Variants in SYNPR observed in about 807,000 individuals in gnomAD.
The protein encoded by SYNPR is synaptoporin.
In SYNPR, 23 loss-of-function variants were observed where a neutral mutation model predicts 32.9. The ratio of observed to expected loss-of-function variants is 0.70; its 90% CI spans 0.50 to 0.99. The LOEUF is 0.99. Among genes scored for constraint, SYNPR ranks in the 50% least tolerant of loss-of-function variants. The pLI, the probability that SYNPR is intolerant of heterozygous loss-of-function variation, is 0.00. For synonymous variants in SYNPR, 146 were observed against 135.9 expected (o/e 1.07, Z -0.52); for missense variants, 318 against 349.3 (o/e 0.91, Z 0.71).
intron 3 of SYNPR, among the ~76,000 whole-genome samples, chr3:63,519,234 T>C (rs1701860117): frequency 6.6e-6 from 1 of 152,046 alleles, no homozygotes; most frequent in African/African-American, 2.4e-5. Context: ...TTTCATAGAG[T>C]ACACAGGTTT....
At chr3:63,588,758 G>T (rs1322621849) in intron 4 of SYNPR, among the ~76,000 whole-genome samples, 2 of 152,006 alleles carry the variant, frequency 1.3e-5, no homozygotes, top group Non-Finnish European at 2.9e-5. Context: ...CTAGCAAATT[G>T]CTAGGGTACC....
intron 2 of SYNPR, chr3:63,351,681 C>A (rs889817397): frequency 6.6e-6 from 1 of 152,062 alleles, no homozygotes; most frequent in Non-Finnish European, 1.5e-5. Flanking sequence ...TGTAGGATAA[C>A]GTTCAAAGAT....
intron 3 of SYNPR, among the ~76,000 whole-genome samples, chr3:63,521,950 A>G (rs566163007): frequency 2.2e-4 from 33 of 152,276 alleles, no homozygotes; most frequent in Middle Eastern, 6.8e-3. Flanking sequence ...CAGAGGACAA[A>G]AGAGCAGGTT....
At chr3:63,393,097 T>C (rs2088160547) in intron 2 of SYNPR, among the ~76,000 whole-genome samples, 1 of 152,126 alleles carries the variant, frequency 6.6e-6, no homozygotes, top group East Asian at 1.9e-4. Context: ...CACTGAAAAA[T>C]ATATTTTCTT....
chr3:63,274,406 T>G (rs2086559021), upstream of SYNPR, among the ~76,000 whole-genome samples: 1 of 152,136 alleles, frequency 6.6e-6, no homozygotes, highest in Non-Finnish European at 1.5e-5. Flanking sequence ...ACAAGGTATA[T>G]TTTCCTATGA....
chr3:63,404,706 T>G (rs938224187), intron 2 of SYNPR, among the ~76,000 whole-genome samples: 1 of 152,190 alleles, frequency 6.6e-6, no homozygotes, highest in African/African-American at 2.4e-5. Context: ...GTAAAAATCA[T>G]AATTCATAGG....
At chr3:63,391,358 C>T (rs982886679) in intron 2 of SYNPR, among the ~76,000 whole-genome samples, 9 of 152,178 alleles carry the variant, frequency 5.9e-5, no homozygotes, top group Non-Finnish European at 1.3e-4. Flanking sequence ...GTATCTTAGT[C>T]AAGTAATGGG....
In SYNPR at chr3:63,432,305, C is replaced by T. The variant is rs75332216; in HGVS notation, c.85-48527C>T. ...TCCTTGTCTCTCAGGAGGACATTCT[C>T]GGGGAGAGGCAACCCCAAGACAGCA... On this transcript the variant is annotated intron_variant, in intron 2 of 5. Transcript: ENST00000478300. 5.5e-3 allele frequency among the ~76,000 whole-genome samples: 836 copies of T among 152,166 alleles called. 7 individuals are homozygous for T. The highest frequency in any genetic ancestry group is 0.019 in the African/African-American group (775 of 41,508).
At chr3:63,397,140 A>G (rs900263659) in intron 2 of SYNPR, among the ~76,000 whole-genome samples, 1 of 151,526 alleles carries the variant, frequency 6.6e-6, no homozygotes, top group Non-Finnish European at 1.5e-5. Flanking sequence ...CATTAAAAAT[A>G]TGGTGATGGG....
At chr3:63,513,071 C>T (rs1167062012) in intron 3 of SYNPR, among the ~76,000 whole-genome samples, 4 of 151,924 alleles carry the variant, frequency 2.6e-5, no homozygotes, top group East Asian at 1.9e-4. Flanking sequence ...TCCCCAGAAT[C>T]GTATAACTGG....
chr3:63,549,369 G>A (rs1189608462), intron 3 of SYNPR, among the ~76,000 whole-genome samples: 2 of 152,172 alleles, frequency 1.3e-5, no homozygotes, highest in Non-Finnish European at 2.9e-5. Context: ...TAAGGATGCT[G>A]TAATTTTTAA....
chr3:63,421,626 GAGACTTA>G (rs1699799721), intron 2 of SYNPR, among the ~76,000 whole-genome samples: 3 of 152,138 alleles, frequency 2.0e-5, no homozygotes, highest in African/African-American at 4.8e-5. Flanking sequence ...CTTGAGCTTA[GAGACTTA>G]AAACAACGCA....
intron 2 of SYNPR, among the ~76,000 whole-genome samples, chr3:63,321,155 G>A (rs571523237): frequency 2.0e-4 from 31 of 152,042 alleles, no homozygotes; most frequent in African/African-American, 5.5e-4. Context: ...AGGACCTTAC[G>A]TACTTTTAAA....
chr3:63,271,867 G>A (rs1008015683), intron 3 of SYNPR, among the ~76,000 whole-genome samples: 16 of 151,874 alleles, frequency 1.1e-4, no homozygotes, highest in East Asian at 3.9e-4. Context: ...ATGTGTATCC[G>A]TACATCCCCC....
At chr3:63,563,085 C>A (rs746216769) in intron 4 of SYNPR, among the ~76,000 whole-genome samples, 1 of 152,134 alleles carries the variant, frequency 6.6e-6, no homozygotes, top group Non-Finnish European at 1.5e-5. Context: ...CTTAGTCCCA[C>A]AAAGGAAAAT....
chr3:63,238,911 A>C (rs2086217682), intron 1 of SYNPR, among the ~76,000 whole-genome samples: 1 of 152,118 alleles, frequency 6.6e-6, no homozygotes, highest in Admixed American at 6.6e-5. Flanking sequence ...GGATTCTAAA[A>C]TTGTCATTGC....
intron 2 of SYNPR, among the ~76,000 whole-genome samples, chr3:63,306,229 G>A (rs760343134): frequency 1.3e-5 from 2 of 151,986 alleles, no homozygotes; most frequent in Non-Finnish European, 2.9e-5. Flanking sequence ...TTGATTCGAG[G>A]TGTCACTTCA....
chr3:63,291,202 G>A (rs2086735120), intron 2 of SYNPR, among the ~76,000 whole-genome samples: 1 of 148,182 alleles, frequency 6.7e-6, no homozygotes, highest in Non-Finnish European at 1.5e-5. Flanking sequence ...AGTTTCTCAG[G>A]GATTTTACCT....
intron 2 of SYNPR, among the ~76,000 whole-genome samples, chr3:63,453,672 C>T (rs772565413): frequency 1.3e-5 from 2 of 152,120 alleles, no homozygotes; most frequent in Admixed American, 6.6e-5. Context: ...TTTGGATCCA[C>T]CCAAACTTGA....
Sources: allele counts gnomAD v4.1 joint callset (sites outside exome capture counted in the v4.1 genomes callset), GRCh38; gene constraint gnomAD v4.1.1; transcripts MANE v1.5; gene names NCBI Gene and HGNC (gene_info 2026-07-23, HGNC 2026-07-21).